The following N4BP2L2 variants were observed in gnomAD, a reference collection of about 807,000 sequenced individuals.
The protein encoded by N4BP2L2 is NEDD4 binding protein 2 like 2, also known as NEDD4-binding protein 2-like 2.
N4BP2L2 carries 50 observed loss-of-function variants against 56.2 expected under a neutral mutation model. That is an observed-to-expected ratio of 0.89 (90% CI 0.71 to 1.13). N4BP2L2 has a LOEUF of 1.13. Ranked by LOEUF, N4BP2L2 falls within the 50% of genes most tolerant of loss-of-function variation. The probability of loss-of-function intolerance (pLI) is 0.00; values close to 1 mark genes in which losing one functional copy is unlikely to be tolerated. For synonymous variants in N4BP2L2, 203 were observed against 223.6 expected (o/e 0.91, Z 0.82); for missense variants, 689 against 693.8 (o/e 0.99, Z 0.08).
chr13:32,446,053 G>A (rs1340993125), intron 6 of N4BP2L2, among the ~76,000 whole-genome samples: 1 of 152,174 alleles, frequency 6.6e-6, no homozygotes, highest in East Asian at 1.9e-4. Flanking sequence ...AGAAAGAGAT[G>A]ATGCGGAAAA....
At chr13:32,434,454 T>C (rs571184133) in intron 9 of N4BP2L2, among the ~76,000 whole-genome samples, 2 of 152,168 alleles carry the variant, frequency 1.3e-5, no homozygotes, top group Admixed American at 6.5e-5. Flanking sequence ...ATTTAAAAGA[T>C]AAAAATTTTA....
chr13:32,522,358 C>T (rs972004583), intron 3 of N4BP2L2, 88 bp from the exon 4 acceptor site: 35 of 849,966 alleles, frequency 4.1e-5, no homozygotes, highest in East Asian at 6.1e-5. Context: ...AAATGTACTA[C>T]GTCTCTGTAC....
At chr13:32,537,692 C>T (rs1424489009) in intron 1 of N4BP2L2, among the ~76,000 whole-genome samples, 1 of 152,058 alleles carries the variant, frequency 6.6e-6, no homozygotes, top group East Asian at 1.9e-4. Context: ...ATGATGATAA[C>T]GGAAATTTGT....
intron 3 of N4BP2L2, chr13:32,525,422 C>T (rs1036431065): frequency 2.0e-5 from 3 of 152,096 alleles, no homozygotes; most frequent in African/African-American, 7.2e-5. Flanking sequence ...ATTGTAACAG[C>T]GTGAAAACTT....
chr13:32,453,834 G>A (rs770386018), intron 6 of N4BP2L2, among the ~76,000 whole-genome samples: 7 of 152,186 alleles, frequency 4.6e-5, no homozygotes, highest in Non-Finnish European at 8.8e-5. Context: ...CAAAGGGCTT[G>A]TGCCTATTTT....
At chr13:32,530,889 TA>T (rs3075024) in intron 2 of N4BP2L2, among the ~76,000 whole-genome samples, 2,148 of 130,340 alleles carry the variant, frequency 0.016, 24 homozygotes, top group Non-Finnish European at 0.021. Flanking sequence ...CGGAGATTAC[TA>T]AAAAAAAAAA....
intron 6 of N4BP2L2, among the ~76,000 whole-genome samples, chr13:32,454,802 T>C (rs1322476031): frequency 2.0e-5 from 3 of 152,146 alleles, no homozygotes; most frequent in African/African-American, 7.2e-5. Context: ...ACACTCTGAA[T>C]AGAGCATTTA....
intron 3 of N4BP2L2, chr13:32,523,683 C>G (rs868306250): frequency 2.9e-5 from 2 of 68,968 alleles, no homozygotes; most frequent in African/African-American, 8.7e-5. Flanking sequence ...GACTCCGTCT[C>G]AAAAAAAAAA....
intron 6 of N4BP2L2, among the ~76,000 whole-genome samples, chr13:32,456,254 C>T (rs567028566): frequency 3.3e-5 from 5 of 152,234 alleles, no homozygotes; most frequent in African/African-American, 1.2e-4. Flanking sequence ...CTGAGAAAAC[C>T]ACAAACACCA....
At chr13:32,497,223 T>C (rs2088896985) in intron 6 of N4BP2L2, among the ~76,000 whole-genome samples, 1 of 152,154 alleles carries the variant, frequency 6.6e-6, no homozygotes, top group Admixed American at 6.5e-5. Flanking sequence ...TTTCCCCTAA[T>C]AAATGCTAGT....
In N4BP2L2 at chr13:32,469,354, C is replaced by A. The variant is rs139882414; in HGVS notation, c.366-25228G>T. 3.3e-5 allele frequency among the ~76,000 whole-genome samples: 5 copies of A among 152,294 alleles called. No individual in the cohort carries two copies. In the East Asian group the frequency reaches 9.7e-4, roughly 29 times the overall value. ...GTCCCCTGTGAGTGTGGAGATGGAA[C>A]TGAAGCACCTAGAAGTGCACAGCAC... is the stretch of plus-strand genomic sequence containing the variant. On this transcript the variant is annotated intron_variant, in intron 6 of 9. Coordinates refer to the N4BP2L2 transcript ENST00000357505.
intron 6 of N4BP2L2, among the ~76,000 whole-genome samples, chr13:32,499,238 G>A (rs572819718): frequency 5.1e-4 from 78 of 152,106 alleles, no homozygotes; most frequent in Non-Finnish European, 9.6e-4. Flanking sequence ...TAACTGAACG[G>A]TGAAAAGTAA....
intron 6 of N4BP2L2, among the ~76,000 whole-genome samples, chr13:32,503,229 G>T (rs1330721858): frequency 6.8e-6 from 1 of 146,754 alleles, no homozygotes; most frequent in Non-Finnish European, 1.5e-5. Flanking sequence ...CTCAAAACAC[G>T]GAACACAGTA....
chr13:32,459,181 G>A (rs530337771), intron 6 of N4BP2L2, among the ~76,000 whole-genome samples: 20 of 152,056 alleles, frequency 1.3e-4, no homozygotes, highest in African/African-American at 4.6e-4. Context: ...CCTACATTAA[G>A]AAACTAGAAA....
intron 6 of N4BP2L2, chr13:32,444,188 A>G (rs2076690329): frequency 8.0e-7 from 1 of 1,257,544 alleles, no homozygotes; most frequent in Non-Finnish European, 1.1e-6. Context: ...TAAGCAAACT[A>G]TAACATCATA....
In N4BP2L2 at chr13:32,517,825, CA is replaced by C; in HGVS notation, c.1728del (p.Val577SerfsTer14). 6.2e-7 allele frequency: 1 copy of C among 1,613,454 alleles called. No homozygotes were observed. The highest frequency in any genetic ancestry group is 8.5e-7 in the Non-Finnish European group (1 of 1,179,964). ...ATTTAATGATTATTTGTGACACAGA[CA>C]CGATTATGTGAGCCAAGAGAGCCTC... On this transcript the variant is annotated frameshift_variant, in exon 6 of 6. Transcript: ENST00000267068. LOFTEE classifies it high-confidence loss of function.
At chr13:32,504,945 A>G (rs1257265703) in intron 6 of N4BP2L2, 3 of 152,236 alleles carry the variant, frequency 2.0e-5, no homozygotes, top group Admixed American at 2.0e-4. Context: ...GGCAAATCCC[A>G]TTAGATTTTA....
chr13:32,439,904 T>C (rs1291619009), intron 7 of N4BP2L2, among the ~76,000 whole-genome samples: 12 of 148,862 alleles, frequency 8.1e-5, no homozygotes, highest in Admixed American at 8.0e-4. Context: ...CGGGCACCTG[T>C]AATCCCACCT....
At chr13:32,445,143 C>G (rs1412354628) in intron 6 of N4BP2L2, among the ~76,000 whole-genome samples, 2 of 152,116 alleles carry the variant, frequency 1.3e-5, no homozygotes, top group African/African-American at 4.8e-5. Flanking sequence ...CCTAGCTACT[C>G]TGGAGCCAGA....
Sources: gnomAD v4.1 joint callset for allele counts (sites outside exome capture counted in the v4.1 genomes callset) on GRCh38, gnomAD v4.1.1 for gene constraint, MANE v1.5 for transcripts, NCBI Gene and HGNC (gene_info 2026-07-23, HGNC 2026-07-21) for gene names.